The following BICC1 variants were observed in gnomAD, a reference collection of about 807,000 sequenced individuals.
BICC1 encodes the protein BicC family RNA binding protein 1.
In BICC1, 43 loss-of-function variants were observed where a neutral mutation model predicts 111.0. That is an observed-to-expected ratio of 0.39 (90% CI 0.30 to 0.50). BICC1 has a LOEUF of 0.50. BICC1 is among the 20% of genes least tolerant of loss of function. The pLI is 0.88. For missense variants in BICC1, 1,091 were observed against 1,203.2 expected (o/e 0.91, Z 1.38); for synonymous variants, 467 against 434.4 (o/e 1.07, Z -0.93).
At chr10:58,682,000 A>G (rs10826219) in intron 2 of BICC1, among the ~76,000 whole-genome samples, 140,503 of 143,094 alleles carry the variant, frequency 0.98, 69,055 homozygotes, top group Middle Eastern at 1. Flanking sequence ...ATTTCTCCTA[A>G]TGCTATCCCT....
At chr10:58,778,283 C>T (rs970927771) in intron 3 of BICC1, among the ~76,000 whole-genome samples, 1 of 151,988 alleles carries the variant, frequency 6.6e-6, no homozygotes, top group Non-Finnish European at 1.5e-5. Flanking sequence ...TATCCTAAAG[C>T]AATGTTCAGG....
At chr10:58,590,365 T>C (rs962173027) in intron 1 of BICC1, among the ~76,000 whole-genome samples, 6 of 152,168 alleles carry the variant, frequency 3.9e-5, no homozygotes, top group African/African-American at 1.4e-4. Context: ...GAGTTGTGTC[T>C]GCTGGTTCTT....
rs1554810885 is a variant in BICC1, at chr10:58,601,140, T to TAATATATA, written c.191-19715_191-19714insAATATATA. ...ACTTTTTAGGCAGTCATTTTAAAAC[T>TAATATATA]TATATATATATATATATATATATAT... is the stretch of plus-strand genomic sequence containing the variant. On this transcript the variant is annotated intron_variant, in intron 1 of 20. Coordinates refer to ENST00000373886, the MANE Select transcript of BICC1 (RefSeq NM_001080512.3). 6.3e-3 allele frequency among the ~76,000 whole-genome samples: 634 copies of TAATATATA among 100,622 alleles called. 41 individuals are homozygous for TAATATATA. The highest frequency in any genetic ancestry group is 0.016 in the Middle Eastern group (2 of 126). The allele number at this position is 100,622 out of a possible 152,430, so 66.0% of individuals were successfully genotyped here. A position where few individuals can be genotyped will look rare whatever the true frequency, so the allele number is the denominator to read the frequency against.
chr10:58,642,666 TTTATTATTATTATTATTATTATTA>T lies in BICC1; in HGVS notation c.237+21798_237+21821del, dbSNP rs138889861. ...CATATGCTCCTGACAATATGAACCA[TTTATTATTATTATTATTATTATTA>T]TTATTATTATTATTATTATTATTAT... On this transcript the variant is annotated intron_variant, in intron 2 of 20. Coordinates refer to ENST00000373886, the MANE Select transcript of BICC1 (RefSeq NM_001080512.3). Among the ~76,000 whole-genome samples, 1,408 of 148,288 alleles carry T rather than the reference TTTATTATTATTATTATTATTATTA, an allele frequency of 9.5e-3. 31 individuals carry two copies. Among genetic ancestry groups the T allele is most frequent in the African/African-American group, 0.026 (1,040 of 39,782 alleles).
intron 2 of BICC1, among the ~76,000 whole-genome samples, chr10:58,661,470 T>C (rs1838843335): frequency 6.6e-6 from 1 of 152,154 alleles, no homozygotes; most frequent in East Asian, 1.9e-4. Flanking sequence ...AAAAGAATCC[T>C]AAGAGTGATC....
In BICC1 at chr10:58,828,882, C is replaced by T; in HGVS notation, c.2916C>T (p.Gly972=). The change falls in exon 21 of 21, where the codon GGC becomes GGT. Residue 972 remains glycine (G), a synonymous_variant. Transcript: ENST00000373886. ...QYHSDIASVS[G]RW Reference sequence around the variant, plus strand: ...ACTCAGACATTGCTAGTGTCAGTGGCCGCTGGTAGCAGCACCCTCTTGGCA... The same window carrying T: ...ACTCAGACATTGCTAGTGTCAGTGGTCGCTGGTAGCAGCACCCTCTTGGCA... 6.2e-7 allele frequency: 1 copy of T among 1,613,792 alleles called. No homozygotes were observed. Among genetic ancestry groups the T allele is most frequent in the Non-Finnish European group, 8.5e-7 (1 of 1,179,800 alleles).
intron 1 of BICC1, among the ~76,000 whole-genome samples, chr10:58,613,696 G>C (rs1437537540): frequency 6.6e-6 from 1 of 152,162 alleles, no homozygotes; most frequent in African/African-American, 2.4e-5. Context: ...TCTAGAATGA[G>C]AATTGCTAAA....
chr10:58,593,764 G>A (rs1191355970), intron 1 of BICC1, among the ~76,000 whole-genome samples: 1 of 152,072 alleles, frequency 6.6e-6, no homozygotes, highest in African/African-American at 2.4e-5. Flanking sequence ...ACAAAGATGG[G>A]TAGAAACCAG....
chr10:58,698,751 A>G (rs906060596), intron 2 of BICC1, among the ~76,000 whole-genome samples: 12 of 152,216 alleles, frequency 7.9e-5, no homozygotes, highest in African/African-American at 1.7e-4. Flanking sequence ...GTGCCATGCT[A>G]TGTGCTTTGG....
chr10:58,787,515 C>T (rs1331609404), intron 5 of BICC1, among the ~76,000 whole-genome samples: 1 of 152,144 alleles, frequency 6.6e-6, no homozygotes, highest in East Asian at 1.9e-4. Context: ...TTAATTATGT[C>T]TCTCTCTAGT....
Position 58,595,949 on chromosome 10 carries a change from A to C in BICC1, c.191-24906A>C, listed in dbSNP as rs547298613. On this transcript the variant is annotated intron_variant, in intron 1 of 20. Transcript: ENST00000373886. The stretch of plus-strand genomic sequence containing the variant: ...AGCTGATTTTTTGAAAAGATCAACA[A>C]AATAGATAGACTGCTAGCCAGACTA... 1.2e-4 allele frequency among the ~76,000 whole-genome samples: 19 copies of C among 152,336 alleles called. No homozygotes were observed. The East Asian group carries it at 3.5e-3, about 28-fold the overall frequency.
chr10:58,756,855 T>C (rs1842163331), intron 3 of BICC1, among the ~76,000 whole-genome samples: 1 of 152,174 alleles, frequency 6.6e-6, no homozygotes. Context: ...TAGTCTCTTA[T>C]GCTGTCCAAA....
chr10:58,563,357 G>A (rs928888354), intron 1 of BICC1, among the ~76,000 whole-genome samples: 5 of 152,084 alleles, frequency 3.3e-5, no homozygotes, highest in South Asian at 2.1e-4. Flanking sequence ...AGTGTACTCC[G>A]CTTAGTCCTC....
intron 3 of BICC1, among the ~76,000 whole-genome samples, chr10:58,747,745 A>G (rs1335491681): frequency 6.6e-6 from 1 of 152,114 alleles, no homozygotes; most frequent in Non-Finnish European, 1.5e-5. Context: ...TTTTGTCTGT[A>G]TCTGTCAACT....
At chr10:58,579,814 G>A (rs1249498857) in intron 1 of BICC1, among the ~76,000 whole-genome samples, 1 of 152,076 alleles carries the variant, frequency 6.6e-6, no homozygotes, top group Non-Finnish European at 1.5e-5. Context: ...AGTTTACAGG[G>A]CAAAGAAAGC....
chr10:58,684,764 C>G (rs989694004), intron 2 of BICC1, among the ~76,000 whole-genome samples: 2 of 152,044 alleles, frequency 1.3e-5, no homozygotes, highest in Admixed American at 1.3e-4. Flanking sequence ...ATTCTTCTCT[C>G]TTCTTTATTA....
chr10:58,659,712 T>TA (rs564018563), intron 2 of BICC1, among the ~76,000 whole-genome samples: 97 of 151,706 alleles, frequency 6.4e-4, no homozygotes, highest in South Asian at 2.5e-3. Context: ...GAAACCAAGT[T>TA]AAAAAAAAGA....
At chr10:58,567,528 G>A (rs1564491104) in intron 1 of BICC1, among the ~76,000 whole-genome samples, 1 of 150,262 alleles carries the variant, frequency 6.7e-6, no homozygotes, top group African/African-American at 2.5e-5. Flanking sequence ...ATCTTTTAGG[G>A]TATATATATA....
At chr10:58,636,594 C>G (rs569813477) in intron 2 of BICC1, among the ~76,000 whole-genome samples, 1 of 152,014 alleles carries the variant, frequency 6.6e-6, no homozygotes, top group South Asian at 2.1e-4. Context: ...CCTCCTCCTC[C>G]TCCTCCTTCT....
Sources: allele counts gnomAD v4.1 joint callset (sites outside exome capture counted in the v4.1 genomes callset), GRCh38; gene constraint gnomAD v4.1.1; transcripts MANE v1.5; gene names NCBI Gene and HGNC (gene_info 2026-07-23, HGNC 2026-07-21).